The following SSC5D variants were observed in gnomAD, a reference collection of about 807,000 sequenced individuals.
SSC5D encodes the protein scavenger receptor cysteine rich family member with 5 domains.
Under a neutral mutation model 104.6 loss-of-function variants are expected in SSC5D, and 106 were observed. The observed-to-expected ratio is 1.01, with a 90% confidence interval of 0.87 to 1.19. The LOEUF is 1.19. Among genes scored for constraint, SSC5D ranks in the 50% most tolerant of loss-of-function variants. The probability of loss-of-function intolerance (pLI) is 0.00; values close to 1 mark genes in which losing one functional copy is unlikely to be tolerated. For synonymous variants in SSC5D, 860 were observed against 883.5 expected, an observed-to-expected ratio of 0.97 and a Z score of 0.47; for missense variants, 1,993 against 2,153.8, an observed-to-expected ratio of 0.93 and a Z score of 1.48.
Position 55,517,256 on chromosome 19 carries a change from C to T in SSC5D, c.2980C>T (p.Pro994Ser), listed in dbSNP as rs974140836. The T allele has an allele frequency of 6.5e-7, 1 of 1,543,016 alleles. No homozygotes were observed. The highest frequency in any genetic ancestry group is 1.4e-5 in the African/African-American group (1 of 73,042). Residue 994 changes from proline to serine, a missense_variant, in exon 14 of 14, where the codon CCA becomes TCA. Coordinates refer to ENST00000389623, the MANE Select transcript of SSC5D (RefSeq NM_001144950.2). ...GAGGAAACCGTGGCCCGAGCGCCGG[C>T]CACCGCGGCCCGCTGCGACCAGGAC... ...SPRKPWPERR[P>S]PRPAATRTAP...
intron 13 of SSC5D, among the ~76,000 whole-genome samples, chr19:55,515,499 G>A (rs1488513896): frequency 1.3e-5 from 2 of 151,482 alleles, no homozygotes; most frequent in African/African-American, 2.4e-5. Flanking sequence ...TTGGGAGGCC[G>A]AAGCGGGCGG....
intron 1 of SSC5D, 73 bp from the exon 2 acceptor site, chr19:55,488,932 AG>A: frequency 3.6e-6 from 1 of 277,344 alleles, no homozygotes; most frequent in Non-Finnish European, 5.0e-6. Context: ...ATTCAAGATG[AG>A]GGGCCTGCGC....
chr19:55,490,845 C>T lies in SSC5D; in HGVS notation c.660C>T (p.Gly220=), dbSNP rs1336648837. The T allele has an allele frequency of 3.2e-6, 5 of 1,547,282 alleles. No homozygotes were observed. Among genetic ancestry groups the T allele is most frequent in the Non-Finnish European group, 4.4e-6 (5 of 1,145,494 alleles). Residue 220 remains glycine, a synonymous_variant, in exon 6 of 14, where the codon GGC becomes GGT. Transcript: ENST00000389623. The part of the protein sequence containing the change: ...RLEVWHGGRW[G]TVCDDGWDLR... ...AGGTCTGGCACGGCGGGCGCTGGGG[C>T]ACCGTATGTGACGATGGCTGGGACC...
intron 6 of SSC5D, among the ~76,000 whole-genome samples, chr19:55,493,038 T>C (rs1229432804): frequency 6.6e-6 from 1 of 151,612 alleles, no homozygotes; most frequent in Non-Finnish European, 1.5e-5. Flanking sequence ...CCCCCAAAAA[T>C]AAAAAAATGA....
chr19:55,490,333 C>T lies in SSC5D; in HGVS notation c.511C>T (p.Arg171Trp), dbSNP rs1055011232. The change falls in exon 5 of 14, where the codon CGG (arginine) becomes TGG (tryptophan). Residue 171 changes from arginine to tryptophan, a missense_variant. Arg to Trp is a moderately radical substitution (Grantham distance 101). Around this residue, in one of 6 missense-constraint regions of SSC5D, gnomAD observed 1,101 missense variants for 1,085.0 expected, o/e 1.01. Coordinates refer to ENST00000389623, the MANE Select transcript of SSC5D (RefSeq NM_001144950.2). ...RPAGNPQNAS[R>W]KKSPRPKQAK... is the part of the protein sequence containing the mutation. ...AGCTGGGAACCCCCAGAACGCCTCC[C>T]GGAAGAAGAGCCCCCGGCCCAAGCA... 4.1e-5 allele frequency: 61 copies of T among 1,498,082 alleles called. No individual in the cohort carries two copies. Among genetic ancestry groups the T allele is most frequent in the Admixed American group, 1.8e-4 (9 of 49,560 alleles). 92.8% of individuals were successfully genotyped at this position (1,498,082 alleles called of 1,614,324 possible).
chr19:55,516,181 C>G (rs58571442), intron 13 of SSC5D, among the ~76,000 whole-genome samples: 1 of 147,668 alleles, frequency 6.8e-6, no homozygotes, highest in African/African-American at 2.5e-5. Context: ...AAAAAAAAAA[C>G]CCATGATGAA....
chr19:55,489,062 GCC>G (rs57080356), intron 2 of SSC5D, 30 bp downstream of exon 2: 395,038 of 903,084 alleles, frequency 0.44, 85,813 homozygotes, highest in South Asian at 0.53. Context: ...CCATCTGCCC[GCC>G]CCCCCCCCCA....
intron 12 of SSC5D, among the ~76,000 whole-genome samples, chr19:55,510,670 C>T (rs1987738036): frequency 4.0e-5 from 6 of 151,848 alleles, no homozygotes; most frequent in Admixed American, 3.9e-4. Flanking sequence ...TAGTGATTCA[C>T]TGCTAATGGG....
intron 12 of SSC5D, among the ~76,000 whole-genome samples, chr19:55,512,320 A>G (rs594326): frequency 0.99 from 143,582 of 144,544 alleles, 71,348 homozygotes; most frequent in Non-Finnish European, 1. Context: ...ATACATTTAT[A>G]TGTTATATAA....
At chr19:55,514,221 C>T (rs554196997) in intron 13 of SSC5D, among the ~76,000 whole-genome samples, 3 of 151,340 alleles carry the variant, frequency 2.0e-5, no homozygotes, top group Non-Finnish European at 4.4e-5. Context: ...CTGGCTAACA[C>T]GGTGAAACCC....
intron 8 of SSC5D, 149 bp downstream of exon 8, chr19:55,494,932 C>A: frequency 1.1e-6 from 1 of 920,276 alleles, no homozygotes; most frequent in Non-Finnish European, 1.5e-6. Flanking sequence ...GAGCTGGGTT[C>A]AATGCTCTGC....
rs1279883872 is a variant in SSC5D at position 55,490,310 on chromosome 19, C to G, written c.488C>G (p.Ala163Gly). 18 of 1,296,956 alleles carry G rather than the reference C, an allele frequency of 1.4e-5. No individual in the cohort carries two copies. Among genetic ancestry groups the G allele is most frequent in the Middle Eastern group, 1.9e-4 (1 of 5,230 alleles). The allele number at this position is 1,296,956 out of a possible 1,614,324, so 80.3% of individuals were successfully genotyped here. A position where few individuals can be genotyped will look rare whatever the true frequency, so the allele number is the denominator to read the frequency against. Residue 163 changes from alanine (A) to glycine (G), a missense_variant, in exon 5 of 14, where the codon GCT becomes GGT. Physicochemically the swap from Ala to Gly is moderately conservative, Grantham distance 60 (BLOSUM62 0). Coordinates refer to ENST00000389623, the MANE Select transcript of SSC5D (RefSeq NM_001144950.2). ...TCTCCACTCCCAGCCCCCCGCCCAGCTGGGAACCCCCAGAACGCCTCCCGG... is the reference window on the plus strand; with the variant it reads ...TCTCCACTCCCAGCCCCCCGCCCAGGTGGGAACCCCCAGAACGCCTCCCGG... ...EPLVTHAPRP[A>G]GNPQNASRKK... is the part of the protein sequence containing the mutation.
intron 12 of SSC5D, among the ~76,000 whole-genome samples, chr19:55,509,577 T>TC (rs888031820): frequency 2.1e-5 from 3 of 145,980 alleles, no homozygotes; most frequent in Non-Finnish European, 4.5e-5. Context: ...TTTTTTTTTT[T>TC]CCAAGACGGA....
chr19:55,495,620 A>G (rs1361391451), intron 8 of SSC5D, among the ~76,000 whole-genome samples: 1 of 152,020 alleles, frequency 6.6e-6, no homozygotes, highest in African/African-American at 2.4e-5. Context: ...TCAGGAGATG[A>G]CAGCCACTAA....
intron 12 of SSC5D, chr19:55,504,144 T>A: frequency 1.3e-6 from 2 of 1,535,652 alleles, no homozygotes; most frequent in South Asian, 1.2e-5. Flanking sequence ...CGAGAGGTGA[T>A]GCTCCTCGTT....
intron 12 of SSC5D, among the ~76,000 whole-genome samples, chr19:55,502,308 G>C (rs1018468950): frequency 6.6e-6 from 1 of 151,646 alleles, no homozygotes; most frequent in Non-Finnish European, 1.5e-5. Context: ...TCTTTATGCC[G>C]TATTTTTTTC....
chr19:55,497,138 T>A (rs1304957251), intron 8 of SSC5D, among the ~76,000 whole-genome samples: 1 of 152,238 alleles, frequency 6.6e-6, no homozygotes, highest in East Asian at 1.9e-4. Flanking sequence ...TCTCACCTTC[T>A]CCTCGTTGTG....
chr19:55,504,786 C>T (rs967553366), intron 12 of SSC5D, among the ~76,000 whole-genome samples: 6 of 152,114 alleles, frequency 3.9e-5, no homozygotes, highest in Non-Finnish European at 8.8e-5. Context: ...TGTGAGCCAC[C>T]GCGCCCGGCC....
rs1258636972 is a variant in SSC5D at position 55,503,636 on chromosome 19, T to C, written c.2785+2435T>C. On this transcript the variant is annotated intron_variant, in intron 12 of 13. Transcript: ENST00000389623. This position sits in a 1 kb window ranked among gnomAD's most constrained non-coding sequence, Gnocchi z 4.0. ...AGGGGCAGCGTTTCTGTCCTCCCTCTGTGCCCGTCGCAGTCGCTGTTTCTC... is the reference window on the plus strand; with the variant it reads ...AGGGGCAGCGTTTCTGTCCTCCCTCCGTGCCCGTCGCAGTCGCTGTTTCTC... Among the ~76,000 whole-genome samples, 1 of 152,180 alleles carries C rather than the reference T, an allele frequency of 6.6e-6. No homozygotes were observed. The highest frequency in any genetic ancestry group is 1.5e-5 in the Non-Finnish European group (1 of 68,038).
Sources: allele counts gnomAD v4.1 joint callset (sites outside exome capture counted in the v4.1 genomes callset), GRCh38; gene constraint gnomAD v4.1.1; regional missense constraint gnomAD v4.1.1; non-coding constraint Gnocchi (gnomAD v3.1); transcripts MANE v1.5; gene names NCBI Gene and HGNC (gene_info 2026-07-23, HGNC 2026-07-21).